The following AFAP1L2 variants were observed in gnomAD, a reference collection of about 807,000 sequenced individuals.
AFAP1L2 encodes the protein actin filament associated protein 1 like 2.
A neutral mutation model predicts 99.3 loss-of-function variants in AFAP1L2; 46 were observed. The ratio of observed to expected loss-of-function variants is 0.46; its 90% CI spans 0.37 to 0.59. The LOEUF (loss-of-function observed/expected upper bound fraction) is 0.59, where lower values mean the gene tolerates loss of function less well. Ranked by LOEUF, AFAP1L2 falls within the 20% of genes least tolerant of loss-of-function variation. The pLI, the probability that AFAP1L2 is intolerant of heterozygous loss-of-function variation, is 0.00. For synonymous variants in AFAP1L2, 397 were observed against 419.1 expected (o/e 0.95, Z 0.64); for missense variants, 959 against 1,034.9 (o/e 0.93, Z 1.01).
At chr10:114,284,568 C>T in the AFAP1L2 span, among the ~76,000 whole-genome samples, 2 of 152,238 alleles carry the variant, frequency 1.3e-5, no homozygotes, top group Non-Finnish European at 2.9e-5. Context: ...GAGGCACCCA[C>T]ACTTGATGCT....
intron 1 of AFAP1L2, among the ~76,000 whole-genome samples, chr10:114,348,386 C>T (rs1014936164): frequency 7.2e-5 from 11 of 152,200 alleles, no homozygotes; most frequent in Non-Finnish European, 1.2e-4. Context: ...CCTCTCCCTA[C>T]TCCCACAGCA....
At chr10:114,368,499 A>T (rs1180995342) in intron 1 of AFAP1L2, among the ~76,000 whole-genome samples, 1 of 152,144 alleles carries the variant, frequency 6.6e-6, no homozygotes, top group Non-Finnish European at 1.5e-5. Context: ...GGCTCACTGC[A>T]GCCTCCACCT....
Position 114,304,820 on chromosome 10 carries a change from G to C in AFAP1L2, c.1183C>G (p.Pro395Ala), listed in dbSNP as rs373295659. 3 of 1,613,354 alleles carry C rather than the reference G, an allele frequency of 1.9e-6. No individual in the cohort carries two copies. The highest frequency in any genetic ancestry group is 2.5e-6 in the Non-Finnish European group (3 of 1,180,032). The change falls in exon 11 of 19, where the codon CCC becomes GCC. Residue 395 changes from proline to alanine, a missense_variant. This residue lies in a region of AFAP1L2 where 576 missense variants were observed against 562.1 expected (regional missense o/e 1.02). Coordinates refer to ENST00000304129, the MANE Select transcript of AFAP1L2 (RefSeq NM_001001936.3). ...DRNRSKVAQQ[P>A]LSLVGCEVVP... ...ACCTCGCAGCCCACCAGGCTGAGGG[G>C]TTGCTGGGCCACCTTGCTCCGGTTC...
At chr10:114,345,951 C>T (rs146966169) in intron 1 of AFAP1L2, among the ~76,000 whole-genome samples, 4 of 146,310 alleles carry the variant, frequency 2.7e-5, no homozygotes, top group South Asian at 4.5e-4. Context: ...GTGGTGGAGA[C>T]GTGGAAAGCC....
In AFAP1L2 at chr10:114,295,904, A is replaced by G; in HGVS notation, c.*138T>C. ...AGGGACAGAGCCTCCTCTTAGCTGAAGCTCTCCATTCACAGTACCTCAGTC... is the reference window on the plus strand; with the variant it reads ...AGGGACAGAGCCTCCTCTTAGCTGAGGCTCTCCATTCACAGTACCTCAGTC... On this transcript the variant is annotated 3_prime_UTR_variant, in exon 19 of 19. Transcript: ENST00000304129. 1.3e-6 allele frequency: 2 copies of G among 1,554,932 alleles called. No individual in the cohort carries two copies. Among genetic ancestry groups the G allele is most frequent in the East Asian group, 2.3e-5 (1 of 44,208 alleles).
At chr10:114,380,352 A>G (rs2055443752) in intron 1 of AFAP1L2, among the ~76,000 whole-genome samples, 1 of 152,194 alleles carries the variant, frequency 6.6e-6, no homozygotes, top group Admixed American at 6.5e-5. Context: ...ATTTGTCTCA[A>G]AGCCTCAGTT....
At chr10:114,302,559 T>A (rs2041395108) in intron 11 of AFAP1L2, 75 bp from the exon 12 acceptor site, 15 of 1,585,090 alleles carry the variant, frequency 9.5e-6, no homozygotes, top group Non-Finnish European at 1.2e-5. Context: ...CACCAGGCCA[T>A]GACCGTACCC....
intron 1 of AFAP1L2, among the ~76,000 whole-genome samples, chr10:114,348,096 G>T (rs1341052074): frequency 1.3e-5 from 2 of 152,046 alleles, no homozygotes; most frequent in Non-Finnish European, 2.9e-5. Flanking sequence ...ATGTTTTCAA[G>T]GTTCATCCAT....
At chr10:114,281,933 CTT>C in the AFAP1L2 span, among the ~76,000 whole-genome samples, 13 of 151,982 alleles carry the variant, frequency 8.6e-5, no homozygotes, top group East Asian at 1.4e-3. Flanking sequence ...CAGAAAGTAA[CTT>C]ATAATAAAAA....
At chr10:114,310,860 G>A (rs992667174) in intron 7 of AFAP1L2, among the ~76,000 whole-genome samples, 1 of 152,164 alleles carries the variant, frequency 6.6e-6, no homozygotes, top group Non-Finnish European at 1.5e-5. Flanking sequence ...CAGAGGTCAT[G>A]CAACTCTCTG....
intron 12 of AFAP1L2, chr10:114,302,123 G>A (rs992546037): frequency 1.6e-6 from 1 of 629,808 alleles, no homozygotes; most frequent in Non-Finnish European, 2.7e-6. Flanking sequence ...GCTGCCCCCG[G>A]GGCCCGAAGC....
chr10:114,388,324 C>T (rs553644697), intron 1 of AFAP1L2, among the ~76,000 whole-genome samples: 1 of 152,184 alleles, frequency 6.6e-6, no homozygotes, highest in South Asian at 2.1e-4. Flanking sequence ...ACCTTTGCAA[C>T]TGCCACTGCC....
intron 1 of AFAP1L2, among the ~76,000 whole-genome samples, chr10:114,354,652 G>A (rs1440856950): frequency 1.3e-5 from 2 of 151,934 alleles, no homozygotes; most frequent in Non-Finnish European, 2.9e-5. Flanking sequence ...GGGAGAAAGA[G>A]ATCTTTCTTC....
Position 114,297,412 on chromosome 10 carries a change from G to C in AFAP1L2, c.2115C>G (p.Asp705Glu), listed in dbSNP as rs757651556. 1 of 1,612,044 alleles carries C rather than the reference G, an allele frequency of 6.2e-7. No homozygotes were observed. The highest frequency in any genetic ancestry group is 8.5e-7 in the Non-Finnish European group (1 of 1,179,776). The change falls in exon 17 of 19, where the codon GAC becomes GAG. Residue 705 changes from aspartate to glutamate, a missense_variant and splice_region_variant. By Grantham distance (45) the Asp-to-Glu change is conservative. Coordinates refer to ENST00000304129, the MANE Select transcript of AFAP1L2 (RefSeq NM_001001936.3). ...ELKETLLKCT[D>E]KEVLASLEQK... ...GCTCCAGGCTCGCCAGGACTTCCTT[G>C]TCTGGAGAGAGAATTATGCAGGTGT... is the stretch of plus-strand genomic sequence containing the variant.
chr10:114,360,514 TA>T (rs2052169864), intron 1 of AFAP1L2, among the ~76,000 whole-genome samples: 2 of 102,152 alleles, frequency 2.0e-5, no homozygotes, highest in African/African-American at 7.4e-5. Context: ...GATAGTTAGA[TA>T]GATAGATAGA....
chr10:114,285,964 G>A, the AFAP1L2 span: 2 of 1,605,964 alleles, frequency 1.2e-6, no homozygotes, highest in African/African-American at 1.3e-5. Flanking sequence ...TGGAATGCAG[G>A]GTCGACCTCC....
downstream of AFAP1L2, chr10:114,294,762 C>T: frequency 1.1e-6 from 1 of 924,690 alleles, no homozygotes; most frequent in Non-Finnish European, 1.3e-6. Context: ...ATAACCAAAA[C>T]ATTTCCTCCC....
intron 1 of AFAP1L2, among the ~76,000 whole-genome samples, chr10:114,397,972 TCCTC>T (rs2057887705): frequency 1.3e-5 from 2 of 152,082 alleles, no homozygotes; most frequent in Non-Finnish European, 2.9e-5. Context: ...CTCTCCCCAC[TCCTC>T]CCTAATACCA....
At chr10:114,348,401 A>C (rs1196191285) in intron 1 of AFAP1L2, among the ~76,000 whole-genome samples, 2 of 152,178 alleles carry the variant, frequency 1.3e-5, no homozygotes, top group Non-Finnish European at 2.9e-5. Context: ...ACAGCATGGC[A>C]GCAGGAATAG....
Sources: allele counts gnomAD v4.1 joint callset (sites outside exome capture counted in the v4.1 genomes callset), GRCh38; gene constraint gnomAD v4.1.1; regional missense constraint gnomAD v4.1.1; transcripts MANE v1.5; gene names NCBI Gene and HGNC (gene_info 2026-07-23, HGNC 2026-07-21).